Variants in PPIG observed in about 807,000 individuals in gnomAD.
PPIG encodes peptidyl-prolyl cis-trans isomerase G.
Under a neutral mutation model 87.9 loss-of-function variants are expected in PPIG, and 26 were observed. That is an observed-to-expected ratio of 0.30 (90% CI 0.22 to 0.41). PPIG has a LOEUF of 0.41. PPIG is among the 10% of genes least tolerant of loss of function. The pLI is 1.00. For synonymous variants in PPIG, 308 were observed against 276.5 expected, an observed-to-expected ratio of 1.11 and a Z score of -1.13; for missense variants, 722 against 879.4, an observed-to-expected ratio of 0.82 and a Z score of 2.26.
intron 12 of PPIG, 126 bp from the exon 13 acceptor site, chr2:169,635,965 AT>A (rs895663812): frequency 1.4e-4 from 68 of 489,700 alleles, no homozygotes; most frequent in Admixed American, 2.9e-4. Flanking sequence ...TGCTTTTTAT[AT>A]TTTTTTTATT....
At chr2:169,619,600 A>G (rs1046562025) in intron 9 of PPIG, among the ~76,000 whole-genome samples, 1 of 152,160 alleles carries the variant, frequency 6.6e-6, no homozygotes, top group Non-Finnish European at 1.5e-5. Flanking sequence ...TTCTTATTGC[A>G]TTAATCCCTT....
Position 169,613,398 on chromosome 2 carries a change from T to C in PPIG, c.378-1066T>C, listed in dbSNP as rs77677338. Among the ~76,000 whole-genome samples the C allele has an allele frequency of 1.1e-4, 17 of 151,898 alleles. No homozygotes were observed. The East Asian group carries it at 2.3e-3, about 21-fold the overall frequency. On this transcript the variant is annotated intron_variant, in intron 7 of 13. Coordinates refer to ENST00000260970, the MANE Select transcript of PPIG (RefSeq NM_004792.3). ...CATAAATTATGCTCCTTTTTTCGAA[T>C]TTCTAATAGCTTTTTGATAAGGTTT...
At chr2:169,607,401 A>G (rs1685362417) in intron 6 of PPIG, among the ~76,000 whole-genome samples, 2 of 152,280 alleles carry the variant, frequency 1.3e-5, no homozygotes, top group Admixed American at 6.5e-5. Context: ...AATTTTAATG[A>G]TAGAATAGGA....
chr2:169,585,062 A>G (rs897519842), intron 1 of PPIG, among the ~76,000 whole-genome samples: 1 of 152,100 alleles, frequency 6.6e-6, no homozygotes. Context: ...GCTGTCGTGC[A>G]GTTAAGTGGC....
chr2:169,606,988 T>C, intron 5 of PPIG, 116 bp from the exon 6 acceptor site: 1 of 713,184 alleles, frequency 1.4e-6, no homozygotes, highest in Admixed American at 2.6e-5. Flanking sequence ...TGCTGCAATC[T>C]TCGAATATTG....
chr2:169,623,303 T>G (rs1685803729), intron 9 of PPIG, among the ~76,000 whole-genome samples: 1 of 152,218 alleles, frequency 6.6e-6, no homozygotes, highest in African/African-American at 2.4e-5. Context: ...GATCATGCTG[T>G]TCAATTCAGA....
At chr2:169,598,779 TA>T (rs1425818205) in intron 1 of PPIG, among the ~76,000 whole-genome samples, 3 of 147,692 alleles carry the variant, frequency 2.0e-5, no homozygotes, top group African/African-American at 5.0e-5. Context: ...TATCAAATTA[TA>T]TATACATTTA....
chr2:169,632,038 A>G (rs1185866042), intron 11 of PPIG, 105 bp downstream of exon 11: 13 of 1,290,124 alleles, frequency 1.0e-5, no homozygotes, highest in African/African-American at 1.5e-5. Context: ...TTGTCCCAAG[A>G]TTGAAATCTT....
In PPIG at chr2:169,602,997, A is replaced by T. The variant is rs566051021; in HGVS notation, c.-69-645A>T. Among the ~76,000 whole-genome samples the T allele has an allele frequency of 5.3e-5, 8 of 152,264 alleles. No individual in the cohort carries two copies. The East Asian group carries it at 1.2e-3, about 22-fold the overall frequency. ...ATAATGAGGTATGAGGGAAAGTGGA[A>T]CCGAAGATGACCCCCAGGTTTTCAG... On this transcript the variant is annotated intron_variant, in intron 1 of 13. Coordinates refer to ENST00000260970, the MANE Select transcript of PPIG (RefSeq NM_004792.3).
chr2:169,586,972 CG>C (rs1317069817), intron 1 of PPIG, among the ~76,000 whole-genome samples: 2 of 151,992 alleles, frequency 1.3e-5, no homozygotes, highest in African/African-American at 4.8e-5. Flanking sequence ...CTTGCTCTGT[CG>C]CCCAGGCTGG....
Position 169,630,949 on chromosome 2 carries a change from CAAGA to C in PPIG, c.730_733del (p.Glu244ArgfsTer42). 1 of 1,597,192 alleles carries C rather than the reference CAAGA, an allele frequency of 6.3e-7. No individual in the cohort carries two copies. Among genetic ancestry groups the C allele is most frequent in the Non-Finnish European group, 8.5e-7 (1 of 1,176,156 alleles). ...AACATCGGAAAAATTCCCGAAAACACAAGAAAGAAAAGAAAAAGCGAAAGAAAAG... is the reference window on the plus strand; with the variant it reads ...AACATCGGAAAAATTCCCGAAAACACAAGAAAAGAAAAAGCGAAAGAAAAG... On this transcript the variant is annotated frameshift_variant, in exon 10 of 14. Transcript: ENST00000260970. LOFTEE classifies it high-confidence loss of function.
At chr2:169,611,790 G>T (rs546047092) in intron 7 of PPIG, among the ~76,000 whole-genome samples, 1 of 151,842 alleles carries the variant, frequency 6.6e-6, no homozygotes, top group Admixed American at 6.6e-5. Context: ...CCCTCTAAAT[G>T]TTTGTTACTC....
At chr2:169,590,233 A>G (rs992636305) in intron 1 of PPIG, among the ~76,000 whole-genome samples, 1 of 152,220 alleles carries the variant, frequency 6.6e-6, no homozygotes, top group African/African-American at 2.4e-5. Flanking sequence ...GCCTCAATTA[A>G]CATTCTTTTT....
chr2:169,606,145 A>G lies in PPIG; in HGVS notation c.243A>G (p.Glu81=). Residue 81 remains glutamate, a splice_region_variant and synonymous_variant, in exon 5 of 14, where the codon GAA becomes GAG. Transcript: ENST00000260970. ...DFMVQGGDFS[E]GNGRGGESIY... ...TGGTTCAAGGTGGTGACTTCAGTGA[A>G]GGTGAGACTTGGAAAAATCATGTAT... 2 of 1,581,240 alleles carry G rather than the reference A, an allele frequency of 1.3e-6. No homozygotes were observed. Among genetic ancestry groups the G allele is most frequent in the Non-Finnish European group, 1.7e-6 (2 of 1,150,462 alleles).
At chr2:169,584,643 C>T in intron 1 of PPIG, 153 bp downstream of exon 1, 1 of 406,792 alleles carries the variant, frequency 2.5e-6, no homozygotes. Context: ...GCTGCTTGGG[C>T]CCAGAGGAAG....
intron 9 of PPIG, among the ~76,000 whole-genome samples, chr2:169,622,328 T>C (rs1286274864): frequency 5.9e-5 from 9 of 152,244 alleles, no homozygotes; most frequent in Non-Finnish European, 1.3e-4. Context: ...ATAAATTTGT[T>C]GTAAAGATTC....
intron 1 of PPIG, among the ~76,000 whole-genome samples, chr2:169,603,044 A>G (rs1046641850): frequency 3.9e-5 from 6 of 152,338 alleles, no homozygotes; most frequent in East Asian, 1.9e-4. Flanking sequence ...GGCTTGGACA[A>G]TGATAATGTT....
At position 169,606,021 on chromosome 2, in the gene PPIG, A is replaced by G. The variant is rs750436130; in HGVS notation, c.137-18A>G. The G allele has an allele frequency of 2.6e-6, 4 of 1,553,204 alleles. No homozygotes were observed. Among genetic ancestry groups the G allele is most frequent in the South Asian group, 2.3e-5 (2 of 87,852 alleles). ...TGATTTCCTTTCTATTAAATGTCCTATTTTTTTATCTCTATAGGTGAAAAG... is the reference window on the plus strand; with the variant it reads ...TGATTTCCTTTCTATTAAATGTCCTGTTTTTTTATCTCTATAGGTGAAAAG... On this transcript the variant is annotated intron_variant, in intron 4 of 13. Coordinates refer to ENST00000260970, the MANE Select transcript of PPIG (RefSeq NM_004792.3).
intron 1 of PPIG, among the ~76,000 whole-genome samples, chr2:169,590,929 C>T (rs968129081): frequency 6.6e-6 from 1 of 152,196 alleles, no homozygotes; most frequent in Non-Finnish European, 1.5e-5. Flanking sequence ...ATTGCTTGAG[C>T]CACTGCGTTC....
Sources: allele counts gnomAD v4.1 joint callset (sites outside exome capture counted in the v4.1 genomes callset), GRCh38; gene constraint gnomAD v4.1.1; transcripts MANE v1.5; gene names NCBI Gene and HGNC (gene_info 2026-07-23, HGNC 2026-07-21).